Variants in SUPT3H observed in about 807,000 individuals in gnomAD.
SUPT3H encodes the protein SPT3 homolog, SAGA and STAGA complex component, also known as transcription initiation protein SPT3 homolog.
SUPT3H carries 44 observed loss-of-function variants against 44.3 expected under a neutral mutation model. The ratio of observed to expected loss-of-function variants is 0.99; its 90% CI spans 0.78 to 1.28. The LOEUF (loss-of-function observed/expected upper bound fraction) is 1.28. Among genes scored for constraint, SUPT3H ranks in the 50% most tolerant of loss-of-function variants. SUPT3H has a pLI of 0.00. For synonymous variants in SUPT3H, 124 were observed against 125.6 expected (o/e 0.99, Z 0.09); for missense variants, 380 against 387.1 (o/e 0.98, Z 0.15).
chr6:44,935,906 G>T (rs763442110), intron 9 of SUPT3H, among the ~76,000 whole-genome samples: 2 of 152,186 alleles, frequency 1.3e-5, no homozygotes, highest in African/African-American at 4.8e-5. Flanking sequence ...TCTTGGCAGG[G>T]TTAGTGTCCT....
intron 3 of SUPT3H, among the ~76,000 whole-genome samples, chr6:45,056,786 G>C (rs922355036): frequency 6.6e-6 from 1 of 151,956 alleles, no homozygotes; most frequent in African/African-American, 2.4e-5. Context: ...CAAAATATCA[G>C]AAATCATCAC....
At chr6:44,966,771 CAA>C (rs1242552982) in intron 6 of SUPT3H, among the ~76,000 whole-genome samples, 2 of 152,084 alleles carry the variant, frequency 1.3e-5, no homozygotes, top group African/African-American at 4.8e-5. Context: ...TAAACTATAA[CAA>C]AAAAGACATC....
chr6:45,244,289 C>G (rs186423163), intron 2 of SUPT3H, among the ~76,000 whole-genome samples: 11 of 152,256 alleles, frequency 7.2e-5, no homozygotes, highest in Non-Finnish European at 8.8e-5. Flanking sequence ...AGCCTAGATA[C>G]GCTCCCACAG....
chr6:45,019,239 T>C lies in SUPT3H; in HGVS notation c.273+1307A>G, dbSNP rs184563007. 8.6e-3 allele frequency among the ~76,000 whole-genome samples: 1,311 copies of C among 152,280 alleles called. 24 individuals are homozygous for C. Among genetic ancestry groups the C allele is most frequent in the African/African-American group, 0.03 (1,236 of 41,574 alleles). On this transcript the variant is annotated intron_variant, in intron 4 of 10. Transcript: ENST00000371459. ...TATGTCTATTTGATTCTTGTCTCTT[T>C]TTTTCTTTATTAGTCTTGCTAGCGG...
chr6:45,011,602 A>G (rs1191366428), intron 5 of SUPT3H, among the ~76,000 whole-genome samples: 1 of 152,064 alleles, frequency 6.6e-6, no homozygotes, highest in Non-Finnish European at 1.5e-5. Context: ...GACCCAACAT[A>G]ACAATTTTTA....
chr6:45,072,201 A>G (rs1416073367), intron 3 of SUPT3H, among the ~76,000 whole-genome samples: 1 of 152,194 alleles, frequency 6.6e-6, no homozygotes, highest in Non-Finnish European at 1.5e-5. Flanking sequence ...GACTCCTAAA[A>G]CAATGCTTTT....
chr6:45,042,317 G>A (rs961799965), intron 3 of SUPT3H, among the ~76,000 whole-genome samples: 1 of 152,246 alleles, frequency 6.6e-6, no homozygotes, highest in Admixed American at 6.5e-5. Flanking sequence ...CAGCTACTTG[G>A]GAGGCTGAGG....
chr6:44,821,389 T>C (rs1448315428), intron 11 of SUPT3H, among the ~76,000 whole-genome samples: 1 of 152,212 alleles, frequency 6.6e-6, no homozygotes, highest in East Asian at 1.9e-4. Flanking sequence ...TCATTTCAAC[T>C]GAGCAAGAAA....
At chr6:45,091,289 G>A (rs887866142) in intron 3 of SUPT3H, among the ~76,000 whole-genome samples, 9 of 151,878 alleles carry the variant, frequency 5.9e-5, no homozygotes, top group African/African-American at 2.2e-4. Flanking sequence ...AGAAGATTGT[G>A]CTTACCTTTC....
chr6:44,934,240 GAAC>G (rs1771056285), intron 9 of SUPT3H, among the ~76,000 whole-genome samples: 1 of 151,916 alleles, frequency 6.6e-6, no homozygotes, highest in East Asian at 1.9e-4. Flanking sequence ...AAATGAAAAA[GAAC>G]AACCTCTTTT....
chr6:45,373,831 G>A (rs1796423372), intron 1 of SUPT3H, among the ~76,000 whole-genome samples: 2 of 152,130 alleles, frequency 1.3e-5, no homozygotes, highest in South Asian at 2.1e-4. Flanking sequence ...GGGATTACAG[G>A]TGTGAGCCAC....
intron 2 of SUPT3H, among the ~76,000 whole-genome samples, chr6:45,332,074 T>C (rs1376160722): frequency 1.3e-5 from 2 of 151,976 alleles, no homozygotes; most frequent in African/African-American, 4.8e-5. Context: ...TGTACTCCAA[T>C]ACTTTAAAGC....
chr6:44,848,651 G>C (rs185744894), intron 10 of SUPT3H, among the ~76,000 whole-genome samples: 7 of 152,218 alleles, frequency 4.6e-5, no homozygotes, highest in South Asian at 4.1e-4. Context: ...TTATAAGAGA[G>C]TCTTTTCTAT....
At chr6:44,823,896 G>T (rs934276681), downstream of SUPT3H, among the ~76,000 whole-genome samples, 8 of 152,182 alleles carry the variant, frequency 5.3e-5, no homozygotes, top group Non-Finnish European at 1.0e-4. Context: ...CTGGGAGGTG[G>T]AGGTTGCAGT....
intron 2 of SUPT3H, among the ~76,000 whole-genome samples, chr6:45,129,930 A>G (rs766924794): frequency 1.3e-5 from 2 of 152,166 alleles, no homozygotes; most frequent in African/African-American, 2.4e-5. Flanking sequence ...CAGTGTTAAG[A>G]CTGGCGTAAT....
At chr6:45,134,431 C>G (rs1347076412) in intron 2 of SUPT3H, among the ~76,000 whole-genome samples, 1 of 152,148 alleles carries the variant, frequency 6.6e-6, no homozygotes, top group African/African-American at 2.4e-5. Flanking sequence ...AAATTCAAGT[C>G]CTTCTCACAA....
intron 2 of SUPT3H, among the ~76,000 whole-genome samples, chr6:45,110,661 T>G (rs534464496): frequency 6.6e-6 from 1 of 152,294 alleles, no homozygotes; most frequent in African/African-American, 2.4e-5. Context: ...TAGTAATCTA[T>G]GCCAAGATGC....
chr6:45,020,024 G>T (rs1784887940), intron 4 of SUPT3H, among the ~76,000 whole-genome samples: 1 of 151,884 alleles, frequency 6.6e-6, no homozygotes, highest in African/African-American at 2.4e-5. Flanking sequence ...CAAAGAGTAA[G>T]AAAGGTAGGC....
chr6:45,255,450 C>T (rs899668618), intron 2 of SUPT3H, among the ~76,000 whole-genome samples: 31 of 126,058 alleles, frequency 2.5e-4, no homozygotes, highest in Non-Finnish European at 4.6e-4. Flanking sequence ...GTCAGGTTCT[C>T]GCTCTCTCTC....
Sources: allele counts gnomAD v4.1 joint callset (sites outside exome capture counted in the v4.1 genomes callset), GRCh38; gene constraint gnomAD v4.1.1; transcripts MANE v1.5; gene names NCBI Gene and HGNC (gene_info 2026-07-23, HGNC 2026-07-21).